Variants in MSRB3 observed in about 807,000 individuals in gnomAD.
MSRB3 encodes the protein methionine-R-sulfoxide reductase B3.
A neutral mutation model predicts 21.0 loss-of-function variants in MSRB3; 13 were observed. The ratio of observed to expected loss-of-function variants is 0.62; its 90% CI spans 0.40 to 0.98. MSRB3 has a LOEUF of 0.98. Among genes scored for constraint, MSRB3 ranks in the 50% least tolerant of loss-of-function variants. The probability of loss-of-function intolerance (pLI) is 0.00; values close to 1 mark genes in which losing one functional copy is unlikely to be tolerated. For missense variants in MSRB3, 199 were observed against 230.3 expected, an observed-to-expected ratio of 0.86 and a Z score of 0.88; for synonymous variants, 87 against 88.6, an observed-to-expected ratio of 0.98 and a Z score of 0.10.
At chr12:65,291,731 A>C (rs1201005521) in intron 1 of MSRB3, among the ~76,000 whole-genome samples, 1 of 152,188 alleles carries the variant, frequency 6.6e-6, no homozygotes, top group Non-Finnish European at 1.5e-5. Context: ...TAGAAAGAGT[A>C]AGTAGACTAT....
At chr12:65,313,969 G>T (rs1051934034) in intron 2 of MSRB3, among the ~76,000 whole-genome samples, 1 of 152,136 alleles carries the variant, frequency 6.6e-6, no homozygotes, top group Non-Finnish European at 1.5e-5. Flanking sequence ...TAGGTGCATT[G>T]TGAAAACTTA....
At chr12:65,318,916 T>G (rs1475440985) in intron 2 of MSRB3, among the ~76,000 whole-genome samples, 1 of 152,150 alleles carries the variant, frequency 6.6e-6, no homozygotes, top group Non-Finnish European at 1.5e-5. Context: ...ATAACACAAA[T>G]GAAAGATAGA....
intron 4 of MSRB3, among the ~76,000 whole-genome samples, chr12:65,349,333 A>T: frequency 6.6e-6 from 1 of 151,212 alleles, no homozygotes; most frequent in South Asian, 2.1e-4. Flanking sequence ...GTTGGTTCCA[A>T]GTCTTTGCTA....
chr12:65,307,490 A>G (rs1159124531), intron 1 of MSRB3, among the ~76,000 whole-genome samples: 2 of 152,188 alleles, frequency 1.3e-5, no homozygotes, highest in Non-Finnish European at 2.9e-5. Context: ...TGGTCAGGAA[A>G]TGAACAAGAC....
intron 5 of MSRB3, among the ~76,000 whole-genome samples, chr12:65,436,788 C>T (rs1882137467): frequency 6.6e-6 from 1 of 151,846 alleles, no homozygotes; most frequent in Non-Finnish European, 1.5e-5. Context: ...TAGACTGTCT[C>T]AACTTGTCAA....
chr12:65,430,506 G>A (rs939492627), intron 5 of MSRB3, among the ~76,000 whole-genome samples: 2 of 152,050 alleles, frequency 1.3e-5, no homozygotes, highest in Non-Finnish European at 2.9e-5. Context: ...ATTTTGAATT[G>A]GAATTAAGTT....
intron 6 of MSRB3, among the ~76,000 whole-genome samples, chr12:65,462,404 C>T (rs1471230391): frequency 2.0e-5 from 3 of 152,210 alleles, no homozygotes; most frequent in Non-Finnish European, 4.4e-5. Flanking sequence ...GATGTTCCTT[C>T]TGCCTCTGTC....
intron 5 of MSRB3, chr12:65,418,725 A>G: frequency 3.4e-6 from 3 of 880,680 alleles, no homozygotes. Context: ...TGCTGGCTTA[A>G]TGTCTCAGAA....
intron 5 of MSRB3, among the ~76,000 whole-genome samples, chr12:65,396,698 AAAAAAAAAAGAAAGAAAGAAAG>A (rs1196290876): frequency 0.12 from 14,004 of 113,428 alleles, 1,187 homozygotes; most frequent in African/African-American, 0.23. Context: ...TCTCAAAAAA[AAAAAAAAAAGAAAGAAAGAAAG>A]AAAGAAAGAA....
At chr12:65,422,698 ATCTT>A (rs1881384805) in intron 5 of MSRB3, among the ~76,000 whole-genome samples, 1 of 151,488 alleles carries the variant, frequency 6.6e-6, no homozygotes, top group Non-Finnish European at 1.5e-5. Context: ...AACATAGGAT[ATCTT>A]TCTGTTTATT....
chr12:65,404,885 A>G (rs560665381), intron 5 of MSRB3, among the ~76,000 whole-genome samples: 58 of 152,012 alleles, frequency 3.8e-4, no homozygotes, highest in African/African-American at 1.1e-3. Flanking sequence ...GAAATTTTGT[A>G]TACTTTGCCC....
intron 4 of MSRB3, among the ~76,000 whole-genome samples, chr12:65,343,415 A>G (rs923417154): frequency 1.3e-5 from 2 of 152,192 alleles, no homozygotes; most frequent in Non-Finnish European, 1.5e-5. Context: ...ATCTTCCTGT[A>G]GCACTTACAC....
intron 5 of MSRB3, among the ~76,000 whole-genome samples, chr12:65,423,251 A>G (rs1246590630): frequency 6.6e-6 from 1 of 152,076 alleles, no homozygotes. Flanking sequence ...CATGAGCCAC[A>G]GTGCCTGGTG....
At chr12:65,396,888 GTGT>G (rs756764163) in intron 5 of MSRB3, among the ~76,000 whole-genome samples, 84 of 152,244 alleles carry the variant, frequency 5.5e-4, no homozygotes, top group Non-Finnish European at 1.0e-3. Context: ...TTGATTGATG[GTGT>G]TGTTAAGTTC....
chr12:65,456,917 C>T (rs1249919729), intron 6 of MSRB3, among the ~76,000 whole-genome samples: 1 of 152,082 alleles, frequency 6.6e-6, no homozygotes, highest in African/African-American at 2.4e-5. Flanking sequence ...GACTGGGTAT[C>T]TTTCATTTCA....
intron 1 of MSRB3, among the ~76,000 whole-genome samples, chr12:65,297,271 G>T (rs906533464): frequency 7.2e-5 from 11 of 152,072 alleles, no homozygotes; most frequent in Admixed American, 7.2e-4. Context: ...AATGCATGCT[G>T]GGCTTAATAC....
At chr12:65,380,091 T>C (rs542828231) in intron 5 of MSRB3, among the ~76,000 whole-genome samples, 101 of 152,250 alleles carry the variant, frequency 6.6e-4, no homozygotes, top group African/African-American at 2.1e-3. Context: ...ATGAATTACT[T>C]TAGAGTATGG....
intron 4 of MSRB3, among the ~76,000 whole-genome samples, chr12:65,332,731 C>T (rs1675421192): frequency 1.3e-5 from 2 of 152,130 alleles, no homozygotes; most frequent in African/African-American, 4.8e-5. Flanking sequence ...GAGCATAATC[C>T]TCATCATTTA....
At position 65,449,123 on chromosome 12, in the gene MSRB3, G is replaced by A. The variant is rs189194869; in HGVS notation, c.293-4605G>A. Among the ~76,000 whole-genome samples the A allele has an allele frequency of 2.9e-4, 44 of 152,150 alleles. 1 individual carries two copies. Among genetic ancestry groups the A allele is most frequent in the African/African-American group, 1.1e-3 (44 of 41,516 alleles). On this transcript the variant is annotated intron_variant, in intron 5 of 6. Transcript: ENST00000308259. ...GGCTCACTGCAAGCTCCACTTCCTG[G>A]GTTCATGCCATTCTCCTGCCTCAGC...
Sources: gnomAD v4.1 joint callset for allele counts (sites outside exome capture counted in the v4.1 genomes callset) on GRCh38, gnomAD v4.1.1 for gene constraint, MANE v1.5 for transcripts, NCBI Gene and HGNC (gene_info 2026-07-23, HGNC 2026-07-21) for gene names.